TOM1L1: variants seen among roughly 807,000 people sequenced by gnomAD.
The protein encoded by TOM1L1 is target of myb1 like 1 membrane trafficking protein.
TOM1L1 carries 64 observed loss-of-function variants against 63.4 expected under a neutral mutation model. The observed-to-expected ratio is 1.01, with a 90% CI of 0.83 to 1.24. TOM1L1 has a LOEUF of 1.24. Among genes scored for constraint, TOM1L1 ranks in the 50% most tolerant of loss-of-function variants. The pLI, the probability that TOM1L1 is intolerant of heterozygous loss-of-function variation, is 0.00. For synonymous variants in TOM1L1, 166 were observed against 194.4 expected (o/e 0.85, Z 1.22); for missense variants, 536 against 567.0 (o/e 0.95, Z 0.55).
intron 7 of TOM1L1, among the ~76,000 whole-genome samples, chr17:54,928,108 C>T (rs1003950658): frequency 3.3e-5 from 5 of 152,144 alleles, no homozygotes; most frequent in African/African-American, 9.7e-5. Flanking sequence ...GAAAAGTTCT[C>T]ATTCATTACG....
At chr17:54,944,292 T>C (rs1041095067) in intron 11 of TOM1L1, among the ~76,000 whole-genome samples, 3 of 149,900 alleles carry the variant, frequency 2.0e-5, no homozygotes, top group African/African-American at 4.9e-5. Context: ...TACCAAAAAA[T>C]AGAAAAAATT....
At chr17:54,907,172 C>A (rs1326322213) in intron 3 of TOM1L1, among the ~76,000 whole-genome samples, 1 of 113,684 alleles carries the variant, frequency 8.8e-6, no homozygotes, top group Non-Finnish European at 1.8e-5. Context: ...TTTTTTTTGA[C>A]CTCTTACCTG....
At chr17:54,934,095 G>A (rs2048909098) in intron 8 of TOM1L1, among the ~76,000 whole-genome samples, 1 of 152,172 alleles carries the variant, frequency 6.6e-6, no homozygotes, top group South Asian at 2.1e-4. Flanking sequence ...TAAGCAGTAG[G>A]GCAGAGGAAG....
intron 8 of TOM1L1, among the ~76,000 whole-genome samples, chr17:54,935,894 G>A (rs2048936903): frequency 6.6e-6 from 1 of 152,104 alleles, no homozygotes; most frequent in Admixed American, 6.6e-5. Flanking sequence ...AGGCCGAGGT[G>A]GGCGGATCAC....
At chr17:54,904,261 T>C (rs2048374644) in intron 2 of TOM1L1, among the ~76,000 whole-genome samples, 1 of 151,782 alleles carries the variant, frequency 6.6e-6, no homozygotes, top group Non-Finnish European at 1.5e-5. Context: ...TACCAGCTAC[T>C]TGGGAGGCTG....
At chr17:54,938,746 CT>C (rs1349730780) in intron 10 of TOM1L1, 177 bp from the exon 11 acceptor site, 15 of 488,096 alleles carry the variant, frequency 3.1e-5, no homozygotes, top group Non-Finnish European at 4.3e-5. Flanking sequence ...TCTCTTAGAG[CT>C]AGGAAATCTC....
intron 3 of TOM1L1, chr17:54,906,917 C>A: frequency 1.7e-6 from 1 of 590,228 alleles, no homozygotes; most frequent in Non-Finnish European, 2.1e-6. Context: ...TGCATGGTCA[C>A]GGCACTAATC....
At chr17:54,903,149 C>T (rs973658830) in intron 1 of TOM1L1, among the ~76,000 whole-genome samples, 4 of 152,140 alleles carry the variant, frequency 2.6e-5, no homozygotes, top group African/African-American at 4.8e-5. Flanking sequence ...CTAAGAACAA[C>T]GGATTACTTC....
At chr17:54,957,967 G>GT (rs2076991875) in intron 14 of TOM1L1, 1 of 152,210 alleles carries the variant, frequency 6.6e-6, no homozygotes, top group Non-Finnish European at 1.5e-5. Flanking sequence ...TTGAAAGTTT[G>GT]TAACAGAACT....
chr17:54,960,695 A>G (rs992647059), intron 15 of TOM1L1, 68 bp downstream of exon 15: 16 of 1,238,364 alleles, frequency 1.3e-5, no homozygotes, highest in African/African-American at 3.0e-5. Flanking sequence ...ATCACTTTAC[A>G]TATTTAGTAT....
At chr17:54,925,872 C>T (rs1175353246) in intron 7 of TOM1L1, among the ~76,000 whole-genome samples, 1 of 151,486 alleles carries the variant, frequency 6.6e-6, no homozygotes, top group African/African-American at 2.4e-5. Context: ...CACTGCACTC[C>T]AGCCTGGGTG....
Position 54,961,349 on chromosome 17 carries a change from G to T in TOM1L1, c.*116G>T. On this transcript the variant is annotated 3_prime_UTR_variant, in exon 16 of 16. Transcript: ENST00000575882. ...TACCTACCAACATGTCAAAGCCATG[G>T]TGGCACATTTCTGCTATAATGAAGA... The T allele has an allele frequency of 1.3e-6, 2 of 1,551,362 alleles. No individual in the cohort carries two copies. Among genetic ancestry groups the T allele is most frequent in the Non-Finnish European group, 1.7e-6 (2 of 1,146,818 alleles).
chr17:54,915,756 T>C lies in TOM1L1; in HGVS notation c.614T>C (p.Leu205Pro). The C allele has an allele frequency of 6.2e-7, 1 of 1,607,182 alleles. No homozygotes were observed. ...VTLVPEQIGK[L>P]HSELDMVKMN... ...TGTTGCTCTCTACAGATTGGAAAACTGCACAGTGAATTGGATATGGTGAAA... is the reference window on the plus strand; with the variant it reads ...TGTTGCTCTCTACAGATTGGAAAACCGCACAGTGAATTGGATATGGTGAAA... Residue 205 changes from leucine to proline, a missense_variant, in exon 7 of 16, where the codon CTG becomes CCG. Coordinates refer to ENST00000575882, the MANE Select transcript of TOM1L1 (RefSeq NM_005486.3).
rs1203157982 is a variant in TOM1L1, at chr17:54,949,500, G to A, written c.1183-18G>A. On this transcript the variant is annotated intron_variant, in intron 12 of 15. Coordinates refer to ENST00000575882, the MANE Select transcript of TOM1L1 (RefSeq NM_005486.3). ...TAATGTAGAACGTTTATATGAACATGTGTTATGCTTTCTTCAGTTTCTGGA... is the reference window on the plus strand; with the variant it reads ...TAATGTAGAACGTTTATATGAACATATGTTATGCTTTCTTCAGTTTCTGGA... The A allele has an allele frequency of 6.3e-7, 1 of 1,579,244 alleles. No individual in the cohort carries two copies. The highest frequency in any genetic ancestry group is 1.1e-5 in the South Asian group (1 of 90,334).
chr17:54,906,813 G>A, intron 3 of TOM1L1: 1 of 985,484 alleles, frequency 1.0e-6, no homozygotes, highest in South Asian at 4.7e-5. Context: ...ACTTTAGTAT[G>A]TGTTGCAAGC....
chr17:54,946,140 T>C (rs2049114836), intron 11 of TOM1L1, among the ~76,000 whole-genome samples: 1 of 152,236 alleles, frequency 6.6e-6, no homozygotes. Context: ...ATGTCTCATG[T>C]ATGTTCCATC....
At chr17:54,929,244 A>C (rs1354389961) in intron 7 of TOM1L1, among the ~76,000 whole-genome samples, 4 of 152,202 alleles carry the variant, frequency 2.6e-5, no homozygotes, top group Non-Finnish European at 5.9e-5. Context: ...TGTAAGGCAG[A>C]AGTTCTTAAA....
At chr17:54,947,774 C>T (rs1666627196) in intron 12 of TOM1L1, among the ~76,000 whole-genome samples, 1 of 152,146 alleles carries the variant, frequency 6.6e-6, no homozygotes, top group Non-Finnish European at 1.5e-5. Flanking sequence ...GTTGGAGACC[C>T]CAGGGATCAG....
intron 13 of TOM1L1, 152 bp downstream of exon 13, chr17:54,949,775 A>T (rs1268252985): frequency 5.6e-6 from 4 of 710,714 alleles, no homozygotes; most frequent in Non-Finnish European, 9.6e-6. Flanking sequence ...AGATACCATT[A>T]TGACTGACTT....
Sources: allele counts gnomAD v4.1 joint callset (sites outside exome capture counted in the v4.1 genomes callset), GRCh38; gene constraint gnomAD v4.1.1; transcripts MANE v1.5; gene names NCBI Gene and HGNC (gene_info 2026-07-23, HGNC 2026-07-21).